Variants in REST observed in about 807,000 individuals in gnomAD.
REST encodes RE1 silencing transcription factor.
Under a neutral mutation model 30.4 loss-of-function variants are expected in REST, and 1 was observed. The ratio of observed to expected loss-of-function variants is 0.03; its 90% CI spans 0.01 to 0.16. The LOEUF is 0.16. REST is among the 10% of genes least tolerant of loss of function. The pLI, the probability that REST is intolerant of heterozygous loss-of-function variation, is 1.00. For missense variants in REST, 1,259 were observed against 1,329.5 expected (o/e 0.95, Z 0.82); for synonymous variants, 504 against 451.1 (o/e 1.12, Z -1.49).
intron 2 of REST, among the ~76,000 whole-genome samples, chr4:56,919,166 A>C (rs904261028): frequency 6.6e-6 from 1 of 151,850 alleles, no homozygotes; most frequent in Non-Finnish European, 1.5e-5. Flanking sequence ...CAGCCTCCCA[A>C]AGTGCTGGGA....
chr4:56,926,862 C>T (rs1389827119), intron 3 of REST, among the ~76,000 whole-genome samples: 2 of 151,596 alleles, frequency 1.3e-5, no homozygotes, highest in Non-Finnish European at 2.9e-5. Context: ...TTTGGGAGGC[C>T]GAGGAGGGTG....
At chr4:56,926,122 C>G (rs1720698876) in intron 3 of REST, among the ~76,000 whole-genome samples, 1 of 152,112 alleles carries the variant, frequency 6.6e-6, no homozygotes, top group Admixed American at 6.6e-5. Flanking sequence ...TGCAATGGCA[C>G]GATTTCAGCT....
At chr4:56,913,542 GTCTCCTCTTACA>G (rs1220289858) in intron 2 of REST, among the ~76,000 whole-genome samples, 1 of 152,138 alleles carries the variant, frequency 6.6e-6, no homozygotes, top group African/African-American at 2.4e-5. Context: ...TTTGCCTCAG[GTCTCCTCTTACA>G]GGAGTTGGCA....
intron 3 of REST, among the ~76,000 whole-genome samples, chr4:56,928,578 G>A (rs1316141958): frequency 6.6e-6 from 1 of 150,532 alleles, no homozygotes; most frequent in African/African-American, 2.4e-5. Context: ...ACCATGCCTG[G>A]CTAATTTTTT....
Position 56,931,353 on chromosome 4 carries a change from G to C in REST, c.2495G>C (p.Arg832Pro). The change falls in exon 4 of 4, where the codon CGG becomes CCG. Residue 832 changes from arginine to proline, a missense_variant. Coordinates refer to ENST00000309042, the MANE Select transcript of REST (RefSeq NM_005612.5). The part of the protein sequence containing the change: ...EKSNMQSERA[R>P]KEQVLIEVGL... ...TCTAACATGCAGAGTGAAAGGGCAC[G>C]GAAGGAGCAAGTCCTTATTGAAGTT... is the stretch of plus-strand genomic sequence containing the variant. 6.2e-7 allele frequency: 1 copy of C among 1,614,260 alleles called. No homozygotes were observed. Among genetic ancestry groups the C allele is most frequent in the Non-Finnish European group, 8.5e-7 (1 of 1,180,046 alleles).
At chr4:56,911,671 C>T in intron 2 of REST, 135 bp downstream of exon 2, 1 of 703,428 alleles carries the variant, frequency 1.4e-6, no homozygotes, top group South Asian at 1.9e-5. Flanking sequence ...TGACCTTGCA[C>T]AAGTTGTTTA....
Position 56,911,100 on chromosome 4 carries a change from G to A in REST, c.462G>A (p.Ser154=), listed in dbSNP as rs1007376860. ...TPGAEDKGKS[S]KTKPFRCKPC... is the part of the protein sequence containing the mutation. ...GAGCGGAGGACAAAGGCAAGAGCTC[G>A]AAGACCAAACCCTTTCGCTGTAAGC... Residue 154 remains serine, a synonymous_variant, in exon 2 of 4, where the codon TCG becomes TCA. Coordinates refer to ENST00000309042, the MANE Select transcript of REST (RefSeq NM_005612.5). The A allele has an allele frequency of 6.2e-7, 1 of 1,614,164 alleles. No homozygotes were observed. The highest frequency in any genetic ancestry group is 1.1e-5 in the South Asian group (1 of 91,082).
At chr4:56,919,916 AT>A in intron 3 of REST, 46 bp downstream of exon 3, 2 of 953,870 alleles carry the variant, frequency 2.1e-6, no homozygotes, top group Non-Finnish European at 3.2e-6. Flanking sequence ...GTAAATGACC[AT>A]TTTAAGGAAA....
intron 3 of REST, chr4:56,922,402 C>T (rs1720498936): frequency 6.6e-6 from 1 of 151,366 alleles, no homozygotes; most frequent in Non-Finnish European, 1.5e-5. Flanking sequence ...CAACCTCCGT[C>T]TCCCAGGTTC....
At position 56,930,685 on chromosome 4, in the gene REST, C is replaced by T. The variant is rs760989753; in HGVS notation, c.1827C>T (p.Asp609=). ...TTGAGAAGGGATCTGCTCAGATGGA[C>T]CCTCCTCAGATGGGGCCTGCTCCCA... ...EPVEKGSAQM[D]PPQMGPAPTE... The change falls in exon 4 of 4, where the codon GAC becomes GAT. Residue 609 remains aspartate, a synonymous_variant. Coordinates refer to ENST00000309042, the MANE Select transcript of REST (RefSeq NM_005612.5). 6.2e-7 allele frequency: 1 copy of T among 1,612,624 alleles called. No individual in the cohort carries two copies. Among genetic ancestry groups the T allele is most frequent in the Non-Finnish European group, 8.5e-7 (1 of 1,179,644 alleles).
chr4:56,909,419 C>T (rs999386122), intron 1 of REST: 1 of 152,252 alleles, frequency 6.6e-6, no homozygotes, highest in Non-Finnish European at 1.5e-5. Flanking sequence ...TGTGCCTGGA[C>T]GGTCTTCCTA....
chr4:56,915,857 A>G (rs1350969012), intron 2 of REST, among the ~76,000 whole-genome samples: 1 of 152,204 alleles, frequency 6.6e-6, no homozygotes, highest in East Asian at 1.9e-4. Context: ...TGAGGAAAAT[A>G]GCATCTGTGA....
chr4:56,914,080 C>A (rs1720060999), intron 2 of REST, among the ~76,000 whole-genome samples: 1 of 151,966 alleles, frequency 6.6e-6, no homozygotes, highest in Non-Finnish European at 1.5e-5. Context: ...ACCACAGACG[C>A]ATGCCACCAC....
In REST at chr4:56,911,217, G is replaced by C; in HGVS notation, c.579G>C (p.Glu193Asp). Residue 193 changes from glutamate (E) to aspartate (D), a missense_variant, in exon 2 of 4, where the codon GAG (glutamate) becomes GAC (aspartate). Physicochemically the swap from Glu to Asp is conservative, Grantham distance 45 (BLOSUM62 2). Around this residue, in one of 5 missense-constraint regions of REST, gnomAD observed 249 missense variants for 251.5 expected, o/e 0.99. Transcript: ENST00000309042. ...AATTTTTTGTGGAAGAGAGTGCAGA[G>C]AAGCAGGCAAAAGCCAGGGAATCTG... ...AKKFFVEESA[E>D]KQAKARESGS... 1 of 1,614,150 alleles carries C rather than the reference G, an allele frequency of 6.2e-7. No individual in the cohort carries two copies. The highest frequency in any genetic ancestry group is 8.5e-7 in the Non-Finnish European group (1 of 1,180,034).
In REST at chr4:56,930,908, C is replaced by T. The variant is rs1720935811; in HGVS notation, c.2050C>T (p.His684Tyr). ...GGTGGGTGCCCAAATTGTACTTGCT[C>T]ACATGGAGCTGCCTCCTCCCATGGA... ...QMVGAQIVLAHMELPPPMETA... is the reference protein window; with the variant it reads ...QMVGAQIVLAYMELPPPMETA... The change falls in exon 4 of 4, where the codon CAC (histidine) becomes TAC (tyrosine). Residue 684 changes from histidine to tyrosine, a missense_variant. By Grantham distance (83) the His-to-Tyr change is moderately conservative (BLOSUM62 2). Around this residue, in one of 5 missense-constraint regions of REST, gnomAD observed 856 missense variants for 772.8 expected, o/e 1.11. Transcript: ENST00000309042. 5 of 1,613,760 alleles carry T rather than the reference C, an allele frequency of 3.1e-6. No individual in the cohort carries two copies. The East Asian group carries it at 6.7e-5, about 22-fold the overall frequency.
chr4:56,914,922 CTTTTTTTTTTT>C (rs10589188), intron 2 of REST, among the ~76,000 whole-genome samples: 1 of 92,116 alleles, frequency 1.1e-5, no homozygotes, highest in African/African-American at 4.3e-5. Flanking sequence ...TTTTTTTTAA[CTTTTTTTTTTT>C]TTTTTTTTTT....
chr4:56,932,262 T>A lies in REST; in HGVS notation c.*110T>A. 1.6e-6 allele frequency: 2 copies of A among 1,231,232 alleles called. No individual in the cohort carries two copies. Among genetic ancestry groups the A allele is most frequent in the South Asian group, 3.1e-5 (2 of 64,838 alleles). The allele number at this position is 1,231,232 out of a possible 1,614,324, so 76.3% of individuals were successfully genotyped here. On this transcript the variant is annotated 3_prime_UTR_variant, in exon 4 of 4. Transcript: ENST00000309042. ...GATTGCTTTAATTAGTATCTGATGT[T>A]GATTTTTAAGTGGCATTCTTTTCCT... is the stretch of plus-strand genomic sequence containing the variant.
intron 3 of REST, 83 bp from the exon 4 acceptor site, chr4:56,929,758 A>G (rs1720879896): frequency 1.7e-5 from 21 of 1,226,356 alleles, no homozygotes; most frequent in Non-Finnish European, 2.3e-5. Flanking sequence ...CTTTGTTGTT[A>G]CTTTACATAT....
chr4:56,913,378 C>G (rs1210237196), intron 2 of REST, among the ~76,000 whole-genome samples: 1 of 152,096 alleles, frequency 6.6e-6, no homozygotes, highest in Non-Finnish European at 1.5e-5. Context: ...CCTCATTTTT[C>G]AAATAAATGT....
Sources: gnomAD v4.1 joint callset for allele counts (sites outside exome capture counted in the v4.1 genomes callset) on GRCh38, gnomAD v4.1.1 for gene constraint, gnomAD v4.1.1 regional missense constraint, MANE v1.5 for transcripts, NCBI Gene and HGNC (gene_info 2026-07-23, HGNC 2026-07-21) for gene names.